The following DST variants were observed in gnomAD, a reference collection of about 807,000 sequenced individuals.
The protein encoded by DST is dystonin.
DST carries 253 observed loss-of-function variants against 875.2 expected under a neutral mutation model. The observed-to-expected ratio is 0.29, with a 90% CI of 0.26 to 0.32. DST has a LOEUF of 0.32. Among genes scored for constraint, DST ranks in the 10% least tolerant of loss-of-function variants. The pLI, the probability that DST is intolerant of heterozygous loss-of-function variation, is 1.00. For synonymous variants in DST, 3,124 were observed against 3,197.1 expected, an observed-to-expected ratio of 0.98 and a Z score of 0.77; for missense variants, 8,287 against 9,111.6, an observed-to-expected ratio of 0.91 and a Z score of 3.68.
intron 49 of DST, among the ~76,000 whole-genome samples, chr6:56,580,588 A>T (rs2097957000): frequency 1.3e-5 from 2 of 151,618 alleles, no homozygotes; most frequent in Non-Finnish European, 2.9e-5. Flanking sequence ...ATAAAAATTT[A>T]AAAAAATAAA....
intron 91 of DST, 27 bp downstream of exon 91, chr6:56,477,318 T>C (rs1011865476): frequency 1.2e-6 from 2 of 1,607,558 alleles, no homozygotes; most frequent in Admixed American, 1.7e-5. Context: ...CTATTGCTAC[T>C]CTGAAGATTA....
intron 36 of DST, among the ~76,000 whole-genome samples, chr6:56,621,842 G>T (rs897593032): frequency 6.6e-6 from 1 of 152,108 alleles, no homozygotes; most frequent in African/African-American, 2.4e-5. Flanking sequence ...AGAAGCTTTG[G>T]TGAATTTCAA....
chr6:56,923,488 A>AAAC (rs1562417876), intron 2 of DST, among the ~76,000 whole-genome samples: 2 of 150,316 alleles, frequency 1.3e-5, no homozygotes, highest in African/African-American at 2.4e-5. Flanking sequence ...AAAAAAAAAA[A>AAAC]TCCTGATGTA....
intron 3 of DST, among the ~76,000 whole-genome samples, chr6:56,889,846 C>T (rs1786488478): frequency 6.6e-6 from 1 of 152,126 alleles, no homozygotes; most frequent in South Asian, 2.1e-4. Context: ...CCTAGGTGCC[C>T]TGCCACAGAA....
At chr6:56,867,938 T>C (rs1775045561) in intron 3 of DST, among the ~76,000 whole-genome samples, 1 of 152,258 alleles carries the variant, frequency 6.6e-6, no homozygotes, top group Non-Finnish European at 1.5e-5. Context: ...TCTGCTTTAA[T>C]AAACAGACGG....
intron 4 of DST, among the ~76,000 whole-genome samples, chr6:56,735,897 G>A (rs1014252736): frequency 6.6e-6 from 1 of 151,974 alleles, no homozygotes; most frequent in South Asian, 2.1e-4. Context: ...CTGTCACCCA[G>A]GCTGGAGTGC....
chr6:56,871,921 A>G (rs1777373861), intron 3 of DST, among the ~76,000 whole-genome samples: 1 of 152,208 alleles, frequency 6.6e-6, no homozygotes, highest in Admixed American at 6.5e-5. Context: ...TATGTGTTGA[A>G]AAGAACGTGG....
chr6:56,781,565 T>C (rs758516445), intron 4 of DST, among the ~76,000 whole-genome samples: 4 of 152,224 alleles, frequency 2.6e-5, no homozygotes, highest in Admixed American at 6.5e-5. Context: ...TTTTTGTACA[T>C]TGATTTTGTA....
intron 4 of DST, among the ~76,000 whole-genome samples, chr6:56,783,909 G>C (rs1231926042): frequency 6.6e-6 from 1 of 152,066 alleles, no homozygotes; most frequent in African/African-American, 2.4e-5. Flanking sequence ...CGCTCTTTTA[G>C]GGCAGGCCTG....
At chr6:56,806,894 A>C (rs1359355975) in intron 4 of DST, among the ~76,000 whole-genome samples, 2 of 152,208 alleles carry the variant, frequency 1.3e-5, no homozygotes, top group African/African-American at 4.8e-5. Flanking sequence ...GTCACTCCAT[A>C]AGTGACAGAG....
chr6:56,884,255 T>C (rs2127643698), intron 3 of DST, among the ~76,000 whole-genome samples: 1 of 152,324 alleles, frequency 6.6e-6, no homozygotes. Flanking sequence ...TCTTTTCTTG[T>C]ATAGACTATC....
At chr6:56,805,883 A>G (rs963192736) in intron 4 of DST, among the ~76,000 whole-genome samples, 2 of 152,254 alleles carry the variant, frequency 1.3e-5, no homozygotes, top group Admixed American at 6.5e-5. Context: ...AGTCCCAAAT[A>G]CAGACTCTTT....
At chr6:56,706,702 A>G (rs910847931) in intron 5 of DST, among the ~76,000 whole-genome samples, 1 of 152,156 alleles carries the variant, frequency 6.6e-6, no homozygotes, top group Non-Finnish European at 1.5e-5. Context: ...TCACATGCAC[A>G]GTTCACAATA....
intron 2 of DST, among the ~76,000 whole-genome samples, chr6:56,905,026 G>A (rs965862904): frequency 1.3e-5 from 2 of 152,182 alleles, no homozygotes; most frequent in Non-Finnish European, 2.9e-5. Flanking sequence ...CTGACCTCAT[G>A]ATCTGCCCAC....
chr6:56,517,163 A>C, intron 71 of DST, 35 bp downstream of exon 71: 7 of 1,478,656 alleles, frequency 4.7e-6, no homozygotes, highest in African/African-American at 1.4e-5. Flanking sequence ...TGTTTTTTCA[A>C]GAGTCCCACT....
At position 56,607,356 on chromosome 6, in the gene DST, C is replaced by T. The variant is rs773436267; in HGVS notation, c.7272G>A (p.Arg2424=). The change falls in exon 40 of 104, where the codon AGG becomes AGA. Residue 2424 remains arginine, a synonymous_variant. Transcript: ENST00000680361. ...GGGAATAGTCAAAGATAGGTGAATC[C>T]CTGTTTGTATTATCTTCATTCTCTG... ...NETENEDNTN[R]DSPIFDYSPR... The T allele has an allele frequency of 2.5e-6, 4 of 1,612,816 alleles. No homozygotes were observed. Among genetic ancestry groups the T allele is most frequent in the African/African-American group, 1.3e-5 (1 of 74,840 alleles).
At chr6:56,739,201 T>G (rs894404032) in intron 4 of DST, among the ~76,000 whole-genome samples, 2 of 150,386 alleles carry the variant, frequency 1.3e-5, no homozygotes, top group Non-Finnish European at 2.9e-5. Context: ...GGAAGGACAA[T>G]CCAACTGAGG....
At chr6:56,724,696 T>TA (rs113513787) in intron 5 of DST, among the ~76,000 whole-genome samples, 2,013 of 152,300 alleles carry the variant, frequency 0.013, 41 homozygotes, top group African/African-American at 0.046. Flanking sequence ...AAACTAGTGT[T>TA]AGAGTGGTTC....
At position 56,601,548 on chromosome 6, in the gene DST, T is replaced by G; in HGVS notation, c.11436A>C (p.Leu3812Phe). The G allele has an allele frequency of 6.2e-7, 1 of 1,605,316 alleles. No individual in the cohort carries two copies. Among genetic ancestry groups the G allele is most frequent in the Non-Finnish European group, 8.5e-7 (1 of 1,175,988 alleles). Reference sequence around the variant, plus strand: ...CAAGAAAACACTTCTGAGTTGTATTTAAGAGCCTCAGCAGTTGTTTGCTTT... The same window carrying G: ...CAAGAAAACACTTCTGAGTTGTATTGAAGAGCCTCAGCAGTTGTTTGCTTT... ...PNQSKQLLRL[L>F]NTTQKCFLDV... Residue 3812 changes from leucine to phenylalanine, a missense_variant, in exon 44 of 104, where the codon TTA becomes TTC. Coordinates refer to ENST00000680361, the MANE Select transcript of DST (RefSeq NM_001374736.1).
Sources: gnomAD v4.1 joint callset for allele counts (sites outside exome capture counted in the v4.1 genomes callset) on GRCh38, gnomAD v4.1.1 for gene constraint, MANE v1.5 for transcripts, NCBI Gene and HGNC (gene_info 2026-07-23, HGNC 2026-07-21) for gene names.